The following TSHZ2 variants were observed in gnomAD, a reference collection of about 807,000 sequenced individuals.
TSHZ2 encodes the protein teashirt homolog 2.
A neutral mutation model predicts 74.4 loss-of-function variants in TSHZ2; 21 were observed. The ratio of observed to expected loss-of-function variants is 0.28; its 90% CI spans 0.20 to 0.41. The LOEUF (loss-of-function observed/expected upper bound fraction) is 0.41. Ranked by LOEUF, TSHZ2 falls within the 10% of genes least tolerant of loss-of-function variation. The pLI is 1.00. For synonymous variants in TSHZ2, 540 were observed against 515.3 expected, an observed-to-expected ratio of 1.05 and a Z score of -0.65; for missense variants, 1,244 against 1,293.5, an observed-to-expected ratio of 0.96 and a Z score of 0.59.
In TSHZ2 at chr20:53,395,749, G is replaced by A. The variant is rs567908077; in HGVS notation, c.*9-91395G>A. On this transcript the variant is annotated intron_variant, in intron 2 of 2. Transcript: ENST00000371497. The stretch of plus-strand genomic sequence containing the variant: ...GTCATGAACATGACCGTGCAGACGT[G>A]CCATTGACTAATTATTGTCCTGGAT... Among the ~76,000 whole-genome samples, 11 of 152,300 alleles carry A rather than the reference G, an allele frequency of 7.2e-5. No homozygotes were observed. The East Asian group carries it at 2.1e-3, about 29-fold the overall frequency.
chr20:53,256,323 C>T lies in TSHZ2; in HGVS notation c.2865C>T (p.Asp955=). 6.2e-7 allele frequency: 1 copy of T among 1,614,010 alleles called. No homozygotes were observed. Among genetic ancestry groups the T allele is most frequent in the Non-Finnish European group, 8.5e-7 (1 of 1,179,882 alleles). The change falls in exon 2 of 3, where the codon GAC becomes GAT. Residue 955 remains aspartate (D), a synonymous_variant. Transcript: ENST00000371497. This position sits in a 1 kb window ranked among gnomAD's most constrained non-coding sequence, Gnocchi z 4.3. ...LESHLGFQMK[D]MTRLSVDQQS... Reference sequence around the variant, plus strand: ...CTCACCTGGGTTTCCAAATGAAGGACATGACCCGCTTGTCAGTGGACCAGC... The same window carrying T: ...CTCACCTGGGTTTCCAAATGAAGGATATGACCCGCTTGTCAGTGGACCAGC...
chr20:53,206,154 G>GCCAACT (rs2123595166), intron 1 of TSHZ2, among the ~76,000 whole-genome samples: 1 of 152,308 alleles, frequency 6.6e-6, no homozygotes, highest in African/African-American at 2.4e-5. Flanking sequence ...GGGAGTCAGA[G>GCCAACT]GTTGCAGTGA....
At chr20:53,343,151 G>C (rs569492059) in intron 2 of TSHZ2, among the ~76,000 whole-genome samples, 31 of 151,560 alleles carry the variant, frequency 2.0e-4, no homozygotes, top group East Asian at 3.9e-4. Flanking sequence ...ATTTTTAGTA[G>C]AGATGGGGTT....
At chr20:53,033,053 T>C (rs1983693982) in intron 1 of TSHZ2, among the ~76,000 whole-genome samples, 1 of 152,178 alleles carries the variant, frequency 6.6e-6, no homozygotes, top group South Asian at 2.1e-4. Context: ...CTAGTGAATT[T>C]TGGTGACTTT....
intron 2 of TSHZ2, among the ~76,000 whole-genome samples, chr20:53,417,241 GACACACACACACACACACACAC>G (rs56822266): frequency 7.2e-6 from 1 of 138,124 alleles, no homozygotes; most frequent in East Asian, 2.1e-4. Flanking sequence ...GACACACACA[GACACACACACACACACACACAC>G]ACACACACAC....
intron 1 of TSHZ2, among the ~76,000 whole-genome samples, chr20:53,170,222 A>G (rs1282114398): frequency 2.6e-5 from 4 of 152,202 alleles, no homozygotes; most frequent in African/African-American, 4.8e-5. Flanking sequence ...TTCTAATTCC[A>G]TGTTAACATT....
intron 2 of TSHZ2, chr20:53,399,306 G>C (rs1419650813): frequency 1.3e-5 from 2 of 152,180 alleles, no homozygotes; most frequent in African/African-American, 4.8e-5. Context: ...TATCCTGGGA[G>C]AAAGAGTTCA....
At chr20:53,414,725 G>T (rs1197534997) in intron 2 of TSHZ2, among the ~76,000 whole-genome samples, 2 of 152,142 alleles carry the variant, frequency 1.3e-5, no homozygotes, top group Non-Finnish European at 2.9e-5. Flanking sequence ...TGGTTTAATA[G>T]CACTAGACTT....
At chr20:53,341,158 T>C (rs1980186650) in intron 2 of TSHZ2, among the ~76,000 whole-genome samples, 1 of 152,150 alleles carries the variant, frequency 6.6e-6, no homozygotes, top group African/African-American at 2.4e-5. Flanking sequence ...GGGCAGTGAG[T>C]AAATTCCCTG....
intron 2 of TSHZ2, among the ~76,000 whole-genome samples, chr20:53,462,141 C>A (rs1438789321): frequency 6.6e-6 from 1 of 151,998 alleles, no homozygotes; most frequent in Admixed American, 6.5e-5. Flanking sequence ...GTAATCTCAG[C>A]TGCTTGGGAG....
rs181840190 is a variant in TSHZ2 at position 53,038,108 on chromosome 20, C to T, written c.40+64775C>T. Among the ~76,000 whole-genome samples, 4 of 143,390 alleles carry T rather than the reference C, an allele frequency of 2.8e-5. No homozygotes were observed. The East Asian group carries it at 8.7e-4, about 31-fold the overall frequency. 94.1% of individuals were successfully genotyped at this position (143,390 alleles called of 152,430 possible). A position where few individuals can be genotyped will look rare whatever the true frequency, so the allele number is the denominator to read the frequency against. On this transcript the variant is annotated intron_variant, in intron 1 of 2. Transcript: ENST00000371497. ...AAGAAACTGCCCAACAAGAGAATCG[C>T]TTGAACCCGGGAGGCGGAGGTCGCA...
intron 1 of TSHZ2, among the ~76,000 whole-genome samples, chr20:53,161,173 A>C (rs959225213): frequency 2.0e-5 from 3 of 147,420 alleles, no homozygotes; most frequent in Non-Finnish European, 4.4e-5. Flanking sequence ...ATGCAAGGCT[A>C]TCTGATGGAG....
At chr20:53,096,058 T>C (rs1455279178) in intron 1 of TSHZ2, among the ~76,000 whole-genome samples, 1 of 152,184 alleles carries the variant, frequency 6.6e-6, no homozygotes, top group Non-Finnish European at 1.5e-5. Flanking sequence ...GCAATTGTAG[T>C]CTAGGGTTTA....
At chr20:53,084,230 T>C (rs1985622638) in intron 1 of TSHZ2, among the ~76,000 whole-genome samples, 1 of 152,170 alleles carries the variant, frequency 6.6e-6, no homozygotes, top group South Asian at 2.1e-4. Flanking sequence ...AGAACAAGTG[T>C]TTATATATCG....
At chr20:53,072,419 A>T (rs748079681) in intron 1 of TSHZ2, among the ~76,000 whole-genome samples, 1 of 152,240 alleles carries the variant, frequency 6.6e-6, no homozygotes, top group Non-Finnish European at 1.5e-5. Flanking sequence ...CTTAGAAATA[A>T]TAAAAATATT....
chr20:53,064,474 T>C (rs1350688912), intron 1 of TSHZ2, among the ~76,000 whole-genome samples: 1 of 151,996 alleles, frequency 6.6e-6, no homozygotes, highest in African/African-American at 2.4e-5. Context: ...TGAGCCCCTA[T>C]GCCATTAGAA....
intron 2 of TSHZ2, among the ~76,000 whole-genome samples, chr20:53,387,769 G>A (rs78926909): frequency 0.017 from 2,539 of 152,224 alleles, 72 homozygotes; most frequent in African/African-American, 0.053. Context: ...ATAACTAGGC[G>A]GGCATGGTGG....
intron 1 of TSHZ2, among the ~76,000 whole-genome samples, chr20:53,013,268 C>A (rs776852273): frequency 4.6e-5 from 7 of 152,206 alleles, no homozygotes; most frequent in Non-Finnish European, 8.8e-5. Context: ...GGCTTCCCAA[C>A]AGGCTCTACT....
chr20:53,325,966 T>C (rs903622551), intron 2 of TSHZ2, among the ~76,000 whole-genome samples: 1 of 151,974 alleles, frequency 6.6e-6, no homozygotes, highest in Non-Finnish European at 1.5e-5. Context: ...TATTTTTAGT[T>C]GAGACAGGAT....
Sources: allele counts gnomAD v4.1 joint callset (sites outside exome capture counted in the v4.1 genomes callset), GRCh38; gene constraint gnomAD v4.1.1; non-coding constraint Gnocchi (gnomAD v3.1); transcripts MANE v1.5; gene names NCBI Gene and HGNC (gene_info 2026-07-23, HGNC 2026-07-21).